Variants in ARID4B observed in about 807,000 individuals in gnomAD.
ARID4B encodes the protein AT-rich interactive domain-containing protein 4B.
A neutral mutation model predicts 147.5 loss-of-function variants in ARID4B; 26 were observed. The observed-to-expected ratio is 0.18, with a 90% CI of 0.13 to 0.24. ARID4B has a LOEUF of 0.24. Ranked by LOEUF, ARID4B falls within the 10% of genes least tolerant of loss-of-function variation. The pLI is 1.00. For missense variants in ARID4B, 1,179 were observed against 1,511.5 expected (o/e 0.78, Z 3.65); for synonymous variants, 512 against 507.9 (o/e 1.01, Z -0.11).
At chr1:235,233,389 T>C (rs564303816) in intron 9 of ARID4B, among the ~76,000 whole-genome samples, 50 of 152,154 alleles carry the variant, frequency 3.3e-4, no homozygotes, top group African/African-American at 1.2e-3. Flanking sequence ...GCCATGATCA[T>C]GTCACTGCAC....
chr1:235,213,210 C>G (rs1666818970), intron 17 of ARID4B, among the ~76,000 whole-genome samples: 1 of 152,092 alleles, frequency 6.6e-6, no homozygotes, highest in Admixed American at 6.6e-5. Context: ...AAAGTGCATT[C>G]TATTTTAGTG....
At chr1:235,253,084 A>C (rs1262455840) in intron 5 of ARID4B, among the ~76,000 whole-genome samples, 1 of 152,246 alleles carries the variant, frequency 6.6e-6, no homozygotes, top group Admixed American at 6.5e-5. Context: ...TTGGTATTTC[A>C]AGAGGAAAAC....
intron 2 of ARID4B, among the ~76,000 whole-genome samples, chr1:235,266,739 G>A (rs1255541594): frequency 6.6e-6 from 1 of 152,186 alleles, no homozygotes; most frequent in Admixed American, 6.5e-5. Flanking sequence ...TCTCTGGGCT[G>A]CAGCACATCA....
intron 3 of ARID4B, 28 bp downstream of exon 3, chr1:235,260,614 C>T (rs769167258): frequency 1.9e-5 from 28 of 1,480,472 alleles, no homozygotes; most frequent in Admixed American, 4.5e-5. Context: ...GCTGAACATA[C>T]AATTTATGAA....
chr1:235,268,267 G>C (rs1465451620), intron 2 of ARID4B, among the ~76,000 whole-genome samples: 1 of 152,120 alleles, frequency 6.6e-6, no homozygotes, highest in Non-Finnish European at 1.5e-5. Context: ...AGTTAAAATG[G>C]AAGGAAGGGA....
chr1:235,223,780 A>G (rs1368795349), intron 12 of ARID4B, among the ~76,000 whole-genome samples: 1 of 151,392 alleles, frequency 6.6e-6, no homozygotes, highest in African/African-American at 2.4e-5. Context: ...GTAACAGGGT[A>G]GGGGTACAAT....
At chr1:235,236,831 A>ATATATATAT (rs1668594003) in intron 8 of ARID4B, among the ~76,000 whole-genome samples, 2 of 27,500 alleles carry the variant, frequency 7.3e-5, no homozygotes, top group African/African-American at 3.3e-4. Context: ...GGTTTTATAA[A>ATATATATAT]AAATATATAT....
At chr1:235,207,896 T>C (rs1666427554) in intron 17 of ARID4B, among the ~76,000 whole-genome samples, 1 of 152,234 alleles carries the variant, frequency 6.6e-6, no homozygotes, top group South Asian at 2.1e-4. Flanking sequence ...AAATAATATA[T>C]TTAGCATAAT....
rs1260719402 is a variant in ARID4B at position 235,237,543 on chromosome 1, G to A, written c.585+2770C>T. Reference sequence around the variant, plus strand: ...TGTGCCGAACACTGAACTAAGCAGTGGAGATAAAGAAATAAGACATGTTGA... The same window carrying A: ...TGTGCCGAACACTGAACTAAGCAGTAGAGATAAAGAAATAAGACATGTTGA... On this transcript the variant is annotated intron_variant, in intron 8 of 23. Coordinates refer to ENST00000264183, the MANE Select transcript of ARID4B (RefSeq NM_016374.6). Among the ~76,000 whole-genome samples, 10 of 152,212 alleles carry A rather than the reference G, an allele frequency of 6.6e-5. No individual in the cohort carries two copies. In the East Asian group the frequency reaches 1.9e-3, roughly 29 times the overall value.
At chr1:235,198,127 A>T (rs945995691) in intron 17 of ARID4B, among the ~76,000 whole-genome samples, 2 of 152,216 alleles carry the variant, frequency 1.3e-5, no homozygotes, top group African/African-American at 4.8e-5. Flanking sequence ...GAGAAACTGA[A>T]GTCAGTTCAT....
rs535142484 is a variant in ARID4B, at chr1:235,205,240, T to C, written c.1841+8529A>G. ...ACATGGAAATAAGAAAGAAAAAAAATGAAGGACACAAAACATTTTAGAGCA... is the reference window on the plus strand; with the variant it reads ...ACATGGAAATAAGAAAGAAAAAAAACGAAGGACACAAAACATTTTAGAGCA... On this transcript the variant is annotated intron_variant, in intron 17 of 23. Transcript: ENST00000264183. Among the ~76,000 whole-genome samples the C allele has an allele frequency of 6.6e-5, 10 of 151,606 alleles. No homozygotes were observed. In the South Asian group the frequency reaches 2.1e-3, roughly 32 times the overall value.
At chr1:235,199,583 C>T (rs1038589394) in intron 17 of ARID4B, among the ~76,000 whole-genome samples, 14 of 152,086 alleles carry the variant, frequency 9.2e-5, no homozygotes, top group African/African-American at 3.1e-4. Flanking sequence ...ATGGACTGCC[C>T]GGGAAAAGAT....
chr1:235,168,450 G>A lies in ARID4B; in HGVS notation c.*75C>T. The stretch of plus-strand genomic sequence containing the variant: ...AATAGTGCTTGTCTGATATTTTTTT[G>A]TGCCACTGTGCAGTATAAAAAAAAA... On this transcript the variant is annotated 3_prime_UTR_variant, in exon 24 of 24. Coordinates refer to ENST00000264183, the MANE Select transcript of ARID4B (RefSeq NM_016374.6). The A allele has an allele frequency of 7.0e-7, 1 of 1,437,114 alleles. No individual in the cohort carries two copies. The highest frequency in any genetic ancestry group is 2.5e-5 in the East Asian group (1 of 39,980). 89.0% of individuals were successfully genotyped at this position (1,437,114 alleles called of 1,614,324 possible). A position where few individuals can be genotyped will look rare whatever the true frequency, so the allele number is the denominator to read the frequency against.
At chr1:235,264,026 T>C (rs192347594) in intron 2 of ARID4B, among the ~76,000 whole-genome samples, 36 of 151,830 alleles carry the variant, frequency 2.4e-4, no homozygotes, top group African/African-American at 8.2e-4. Context: ...GAAACCAAAG[T>C]CTAATAAAAG....
At chr1:235,247,236 TA>T (rs998623663) in intron 6 of ARID4B, among the ~76,000 whole-genome samples, 1 of 151,862 alleles carries the variant, frequency 6.6e-6, no homozygotes, top group African/African-American at 2.4e-5. Context: ...CAGATGAAAA[TA>T]AAAGTGAGGA....
intron 6 of ARID4B, among the ~76,000 whole-genome samples, chr1:235,252,446 A>G (rs1353566099): frequency 6.6e-6 from 1 of 152,214 alleles, no homozygotes; most frequent in Non-Finnish European, 1.5e-5. Context: ...CTAGTTATTT[A>G]CAAATTTTAA....
At chr1:235,252,921 T>C in intron 5 of ARID4B, 112 bp from the exon 6 acceptor site, 2 of 726,624 alleles carry the variant, frequency 2.8e-6, no homozygotes, top group Admixed American at 3.2e-5. Context: ...AAGACTACAT[T>C]TGGAATTCAA....
chr1:235,260,621 T>G, intron 3 of ARID4B, 21 bp downstream of exon 3: 63 of 1,513,554 alleles, frequency 4.2e-5, no homozygotes, highest in Non-Finnish European at 5.0e-5. Flanking sequence ...ATACAATTTA[T>G]GAAATCTATA....
intron 19 of ARID4B, 93 bp downstream of exon 19, chr1:235,193,920 C>A (rs1231851659): frequency 1.0e-5 from 9 of 892,152 alleles, no homozygotes; most frequent in Non-Finnish European, 1.5e-5. Flanking sequence ...GTAGAAAAAA[C>A]AGTAGTTGGT....
Sources: allele counts gnomAD v4.1 joint callset (sites outside exome capture counted in the v4.1 genomes callset), GRCh38; gene constraint gnomAD v4.1.1; transcripts MANE v1.5; gene names NCBI Gene and HGNC (gene_info 2026-07-23, HGNC 2026-07-21).